CSMD3: variants seen among roughly 807,000 people sequenced by gnomAD.
The protein encoded by CSMD3 is CUB and Sushi multiple domains 3.
Under a neutral mutation model 435.2 loss-of-function variants are expected in CSMD3, and 177 were observed. That is an observed-to-expected ratio of 0.41 (90% CI 0.36 to 0.46). The LOEUF (loss-of-function observed/expected upper bound fraction) is 0.46. Among genes scored for constraint, CSMD3 ranks in the 20% least tolerant of loss-of-function variants. The pLI, the probability that CSMD3 is intolerant of heterozygous loss-of-function variation, is 0.34. For missense variants in CSMD3, 4,265 were observed against 4,504.6 expected (o/e 0.95, Z 1.52); for synonymous variants, 1,656 against 1,520.5 (o/e 1.09, Z -2.07).
At position 112,281,160 on chromosome 8, in the gene CSMD3, G is replaced by A. The variant is rs765347513; in HGVS notation, c.9508+14C>T. ...ATATAATTACTGATTTTTAAATATTGAGAATATACTTACTTGTACAGTTAG... is the reference window on the plus strand; with the variant it reads ...ATATAATTACTGATTTTTAAATATTAAGAATATACTTACTTGTACAGTTAG... On this transcript the variant is annotated intron_variant, in intron 59 of 70. Transcript: ENST00000297405. The A allele has an allele frequency of 4.4e-6, 7 of 1,581,776 alleles. No homozygotes were observed. The East Asian group carries it at 1.6e-4, about 35-fold the overall frequency.
intron 3 of CSMD3, among the ~76,000 whole-genome samples, chr8:113,176,131 T>G (rs2092343600): frequency 6.6e-6 from 1 of 152,066 alleles, no homozygotes; most frequent in Admixed American, 6.6e-5. Flanking sequence ...CTAAAACTGA[T>G]AAAAATTTAG....
intron 5 of CSMD3, among the ~76,000 whole-genome samples, chr8:113,069,639 T>C (rs918294396): frequency 6.6e-6 from 1 of 152,052 alleles, no homozygotes; most frequent in Non-Finnish European, 1.5e-5. Flanking sequence ...TCAAAGTGCC[T>C]TAGAAGAAAG....
chr8:112,335,519 G>C (rs760887229), intron 44 of CSMD3, 45 bp from the exon 45 acceptor site: 9 of 1,564,524 alleles, frequency 5.8e-6, no homozygotes, highest in Middle Eastern at 1.7e-4. Context: ...AAGATTGATT[G>C]TGGAAGTAGT....
intron 22 of CSMD3, among the ~76,000 whole-genome samples, chr8:112,605,665 A>T (rs1171002912): frequency 6.6e-6 from 1 of 152,076 alleles, no homozygotes; most frequent in Non-Finnish European, 1.5e-5. Flanking sequence ...GATGAAAAAA[A>T]AAAACTACCT....
intron 5 of CSMD3, among the ~76,000 whole-genome samples, chr8:113,086,166 G>A (rs571981420): frequency 3.5e-4 from 53 of 151,534 alleles, no homozygotes; most frequent in African/African-American, 1.2e-3. Context: ...GGAGAATGGA[G>A]TGTACCTGGG....
chr8:113,372,353 T>C (rs369666881), intron 1 of CSMD3, among the ~76,000 whole-genome samples: 4 of 152,316 alleles, frequency 2.6e-5, no homozygotes, highest in African/African-American at 7.2e-5. Context: ...AATTAGATGA[T>C]TGAAGCTACA....
At chr8:113,324,204 A>T (rs1351918097) in intron 1 of CSMD3, among the ~76,000 whole-genome samples, 1 of 152,250 alleles carries the variant, frequency 6.6e-6, no homozygotes, top group East Asian at 1.9e-4. Flanking sequence ...AGCTGGCTGC[A>T]GAAATTTGCA....
At chr8:113,256,186 C>T (rs1473792165) in intron 3 of CSMD3, among the ~76,000 whole-genome samples, 1 of 152,014 alleles carries the variant, frequency 6.6e-6, no homozygotes, top group Non-Finnish European at 1.5e-5. Flanking sequence ...AAATTAATCT[C>T]TGGTTGTGTT....
chr8:113,268,940 G>T (rs559900860), intron 3 of CSMD3, among the ~76,000 whole-genome samples: 2 of 151,976 alleles, frequency 1.3e-5, no homozygotes, highest in Non-Finnish European at 2.9e-5. Context: ...CTGAATGAAA[G>T]AATAAAATAA....
chr8:113,132,400 G>A (rs745687668), intron 4 of CSMD3, among the ~76,000 whole-genome samples: 2 of 152,084 alleles, frequency 1.3e-5, no homozygotes, highest in Non-Finnish European at 1.5e-5. Context: ...GGAGATGATT[G>A]GATCATGGGT....
intron 13 of CSMD3, among the ~76,000 whole-genome samples, chr8:112,796,890 G>C (rs369817455): frequency 6.6e-6 from 1 of 152,024 alleles, no homozygotes; most frequent in African/African-American, 2.4e-5. Flanking sequence ...CTACCCAAGA[G>C]GTTGGTGGCA....
chr8:113,086,112 G>T (rs1315118031), intron 5 of CSMD3, among the ~76,000 whole-genome samples: 4 of 151,894 alleles, frequency 2.6e-5, no homozygotes, highest in African/African-American at 9.7e-5. Flanking sequence ...GCCAGGCGTG[G>T]GTGGCGGGCG....
intron 61 of CSMD3, among the ~76,000 whole-genome samples, chr8:112,262,014 A>G (rs1816451609): frequency 6.6e-6 from 1 of 152,072 alleles, no homozygotes; most frequent in Non-Finnish European, 1.5e-5. Flanking sequence ...AAATTTTCAT[A>G]TTTTAACATA....
At position 112,937,193 on chromosome 8, in the gene CSMD3, G is replaced by C. The variant is rs549047429; in HGVS notation, c.1508+10597C>G. On this transcript the variant is annotated intron_variant, in intron 9 of 70. Coordinates refer to ENST00000297405, the MANE Select transcript of CSMD3 (RefSeq NM_198123.2). The stretch of plus-strand genomic sequence containing the variant: ...AGCTGGAGGAGATTTCAAAAATCTA[G>C]TCCTATTCTTTCTTCTATATATTTA... 1.1e-3 allele frequency among the ~76,000 whole-genome samples: 167 copies of C among 152,092 alleles called. 1 individual carries two copies. The highest frequency in any genetic ancestry group is 3.1e-3 in the Admixed American group (48 of 15,266).
chr8:113,243,064 T>G (rs575613780), intron 3 of CSMD3, among the ~76,000 whole-genome samples: 1 of 151,986 alleles, frequency 6.6e-6, no homozygotes, highest in African/African-American at 2.4e-5. Context: ...CAATTTTAAC[T>G]TGTATCTTTT....
chr8:112,323,076 T>A (rs1442293199), intron 45 of CSMD3, among the ~76,000 whole-genome samples: 2 of 151,920 alleles, frequency 1.3e-5, no homozygotes, highest in East Asian at 3.9e-4. Context: ...ATAGGCAAGA[T>A]CTGGTTAAAA....
chr8:112,665,043 A>G (rs2075487130), intron 17 of CSMD3, among the ~76,000 whole-genome samples: 1 of 152,140 alleles, frequency 6.6e-6, no homozygotes, highest in African/African-American at 2.4e-5. Context: ...CGCATAAGAA[A>G]TGGCAACCTA....
chr8:112,588,851 G>A (rs891099070), intron 22 of CSMD3, among the ~76,000 whole-genome samples: 6 of 152,060 alleles, frequency 3.9e-5, no homozygotes, highest in East Asian at 3.9e-4. Context: ...AATGCCAGGC[G>A]TCCATCACTT....
At chr8:112,869,600 C>T (rs1031947135) in intron 10 of CSMD3, among the ~76,000 whole-genome samples, 1 of 152,122 alleles carries the variant, frequency 6.6e-6, no homozygotes, top group Non-Finnish European at 1.5e-5. Flanking sequence ...TACTGCAGCA[C>T]TATTTGCAAT....
Sources: gnomAD v4.1 joint callset for allele counts (sites outside exome capture counted in the v4.1 genomes callset) on GRCh38, gnomAD v4.1.1 for gene constraint, MANE v1.5 for transcripts, NCBI Gene and HGNC (gene_info 2026-07-23, HGNC 2026-07-21) for gene names.